Variants in RUFY3 observed in about 807,000 individuals in gnomAD.
RUFY3 encodes the protein RUN and FYVE domain containing 3, also known as protein RUFY3.
RUFY3 carries 34 observed loss-of-function variants against 84.0 expected under a neutral mutation model. That is an observed-to-expected ratio of 0.40 (90% confidence interval 0.31 to 0.54). The LOEUF (loss-of-function observed/expected upper bound fraction) is 0.54, where lower values mean the gene tolerates loss of function less well. Ranked by LOEUF, RUFY3 falls within the 20% of genes least tolerant of loss-of-function variation. RUFY3 has a pLI of 0.39. For missense variants in RUFY3, 507 were observed against 736.8 expected, an observed-to-expected ratio of 0.69 and a Z score of 3.61; for synonymous variants, 242 against 252.9, an observed-to-expected ratio of 0.96 and a Z score of 0.41.
chr4:70,757,362 T>A (rs1724204677), intron 1 of RUFY3, among the ~76,000 whole-genome samples: 1 of 152,114 alleles, frequency 6.6e-6, no homozygotes, highest in Non-Finnish European at 1.5e-5. Context: ...CCCAGCACTT[T>A]GGGAGGCCGA....
chr4:70,779,193 A>G (rs1728483330), intron 8 of RUFY3, among the ~76,000 whole-genome samples: 1 of 152,214 alleles, frequency 6.6e-6, no homozygotes, highest in African/African-American at 2.4e-5. Flanking sequence ...ACAGTTACAT[A>G]GATAAGGTGA....
chr4:70,719,001 C>T (rs139839183), upstream of RUFY3, among the ~76,000 whole-genome samples: 2,819 of 152,346 alleles, frequency 0.019, 105 homozygotes, highest in African/African-American at 0.064. Context: ...AGGCATGAGC[C>T]ACCGTGCCCG....
chr4:70,770,861 A>AAT (rs1726833001), intron 5 of RUFY3, among the ~76,000 whole-genome samples: 1 of 152,126 alleles, frequency 6.6e-6, no homozygotes, highest in Non-Finnish European at 1.5e-5. Context: ...TAAAATAAGA[A>AAT]ATGTGCAATT....
exon 1 of RUFY3, chr4:70,705,287 C>G (rs1310413084): frequency 7.1e-7 from 1 of 1,417,016 alleles, no homozygotes; most frequent in South Asian, 1.5e-5. Context: ...GCGGCAGCGG[C>G]AAGCACCGTG....
intron 8 of RUFY3, among the ~76,000 whole-genome samples, chr4:70,782,291 C>CTT (rs768126305): frequency 0.026 from 3,572 of 135,632 alleles, 77 homozygotes; most frequent in Middle Eastern, 0.06. Context: ...TATTTTATTT[C>CTT]TTTTTTTTTT....
At chr4:70,719,521 T>C (rs1742027720), upstream of RUFY3, among the ~76,000 whole-genome samples, 1 of 152,232 alleles carries the variant, frequency 6.6e-6, no homozygotes, top group Non-Finnish European at 1.5e-5. Context: ...TATTCATGTA[T>C]TCCTTGTTCT....
intron 1 of RUFY3, among the ~76,000 whole-genome samples, chr4:70,754,159 T>A (rs1444974117): frequency 2.0e-5 from 3 of 152,146 alleles, no homozygotes; most frequent in African/African-American, 7.2e-5. Flanking sequence ...TTCAAGTGAT[T>A]CTCCTGCCTC....
chr4:70,723,289 G>A (rs758430696), intron 1 of RUFY3, among the ~76,000 whole-genome samples: 2 of 152,092 alleles, frequency 1.3e-5, no homozygotes, highest in Admixed American at 1.3e-4. Context: ...GGATTATTAG[G>A]TTAGATGAGA....
intron 14 of RUFY3, among the ~76,000 whole-genome samples, chr4:70,798,877 G>A (rs1162330872): frequency 2.0e-5 from 3 of 152,030 alleles, no homozygotes; most frequent in Admixed American, 6.5e-5. Flanking sequence ...GAGGCTGGGC[G>A]TGGTGGCTTA....
Position 70,788,900 on chromosome 4 carries a change from A to C in RUFY3, c.1166A>C (p.Asp389Ala). Reference protein sequence around the residue: ...MLEKDVCEKQDALVSLRQQLD... With the variant: ...MLEKDVCEKQAALVSLRQQLD... ...GAGAAGGATGTCTGTGAGAAGCAGG[A>C]TGCCCTGGTATCTCTTCGGCAGCAG... is the stretch of plus-strand genomic sequence containing the variant. The change falls in exon 11 of 18, where the codon GAT (aspartate) becomes GCT (alanine). Residue 389 changes from aspartate to alanine, a missense_variant. Asp to Ala is a moderately radical substitution (Grantham distance 126, BLOSUM62 -2). Around this residue, in one of 4 missense-constraint regions of RUFY3, gnomAD observed 334 missense variants for 364.1 expected, o/e 0.92. Coordinates refer to ENST00000381006, the MANE Select transcript of RUFY3 (RefSeq NM_001037442.4). 6.2e-7 allele frequency: 1 copy of C among 1,614,190 alleles called. No homozygotes were observed.
chr4:70,717,782 C>A (rs1741784816), upstream of RUFY3, among the ~76,000 whole-genome samples: 1 of 151,294 alleles, frequency 6.6e-6, no homozygotes, highest in Non-Finnish European at 1.5e-5. Flanking sequence ...TGATTCTGGG[C>A]CAGTTACGTG....
At chr4:70,764,767 C>T (rs1681144019) in intron 4 of RUFY3, among the ~76,000 whole-genome samples, 191 bp downstream of exon 4, 2 of 152,190 alleles carry the variant, frequency 1.3e-5, no homozygotes, top group South Asian at 4.1e-4. Flanking sequence ...TTCTGTCTGT[C>T]ACTGTGGCAT....
At chr4:70,783,025 G>A (rs1168580192) in intron 8 of RUFY3, 66 bp from the exon 9 acceptor site, 6 of 939,296 alleles carry the variant, frequency 6.4e-6, no homozygotes, top group Non-Finnish European at 9.7e-6. Context: ...CTAGCAGATC[G>A]TGAATTATCT....
chr4:70,732,255 T>C (rs1719392380), intron 1 of RUFY3, among the ~76,000 whole-genome samples: 1 of 152,220 alleles, frequency 6.6e-6, no homozygotes, highest in Non-Finnish European at 1.5e-5. Context: ...ATTTAATTCA[T>C]GGGATTCCTT....
chr4:70,750,100 CT>C (rs1722893561), intron 1 of RUFY3, among the ~76,000 whole-genome samples: 1 of 151,788 alleles, frequency 6.6e-6, no homozygotes, highest in African/African-American at 2.4e-5. Flanking sequence ...ACTTTGAACT[CT>C]TGGTTCAAGT....
chr4:70,748,184 G>A (rs1028361126), intron 1 of RUFY3, among the ~76,000 whole-genome samples: 14 of 152,120 alleles, frequency 9.2e-5, no homozygotes, highest in African/African-American at 3.1e-4. Flanking sequence ...AAACTACAGT[G>A]GTTCCCATTG....
In RUFY3 at chr4:70,705,110, C is replaced by G. The variant is rs1386136492; in HGVS notation, c.174C>G (p.Asp58Glu). The change falls in exon 1 of 12, where the codon GAC becomes GAG. Residue 58 changes from aspartate to glutamate, a missense_variant. Physicochemically the swap from Asp to Glu is conservative, Grantham distance 45. Transcript: ENST00000417478. ...CCCCCGCCGGGCAGTCGGAGCCCGA[C>G]TCGCCGGTGGCCGCCCCCTTCTTCC... The G allele has an allele frequency of 7.7e-6, 11 of 1,424,462 alleles. No homozygotes were observed. The South Asian group carries it at 1.4e-4, about 19-fold the overall frequency. The allele number at this position is 1,424,462 out of a possible 1,614,324, so 88.2% of individuals were successfully genotyped here.
intron 4 of RUFY3, among the ~76,000 whole-genome samples, chr4:70,765,352 A>G (rs960630695): frequency 6.6e-6 from 1 of 152,044 alleles, no homozygotes; most frequent in African/African-American, 2.4e-5. Context: ...AAATCAATCT[A>G]TGGTGATAGA....
chr4:70,722,445 T>A lies in RUFY3; in HGVS notation c.-129T>A, dbSNP rs773984578. 1.3e-5 allele frequency: 18 copies of A among 1,387,628 alleles called. No homozygotes were observed. Among genetic ancestry groups the A allele is most frequent in the Non-Finnish European group, 1.6e-5 (17 of 1,067,314 alleles). 86.0% of individuals were successfully genotyped at this position (1,387,628 alleles called of 1,614,324 possible). The stretch of plus-strand genomic sequence containing the variant: ...TTTTTTTTTAAACCTCCCCCACCCT[T>A]TTCCTGAAAGCTTTGTTTCAGAGCT... On this transcript the variant is annotated 5_prime_UTR_variant, in exon 1 of 18. Coordinates refer to ENST00000381006, the MANE Select transcript of RUFY3 (RefSeq NM_001037442.4).
Sources: allele counts gnomAD v4.1 joint callset (sites outside exome capture counted in the v4.1 genomes callset), GRCh38; gene constraint gnomAD v4.1.1; regional missense constraint gnomAD v4.1.1; transcripts MANE v1.5; gene names NCBI Gene and HGNC (gene_info 2026-07-23, HGNC 2026-07-21).